The following TENM4 variants were observed in gnomAD, a reference collection of about 807,000 sequenced individuals.
TENM4 encodes the protein teneurin transmembrane protein 4.
Under a neutral mutation model 243.3 loss-of-function variants are expected in TENM4, and 82 were observed. The ratio of observed to expected loss-of-function variants is 0.34; its 90% CI spans 0.28 to 0.40. TENM4 has a LOEUF of 0.40. Ranked by LOEUF, TENM4 falls within the 10% of genes least tolerant of loss-of-function variation. The probability of loss-of-function intolerance (pLI) is 1.00; values close to 1 mark genes in which losing one functional copy is unlikely to be tolerated. For synonymous variants in TENM4, 1,412 were observed against 1,456.3 expected, an observed-to-expected ratio of 0.97 and a Z score of 0.69; for missense variants, 3,138 against 3,673.3, an observed-to-expected ratio of 0.85 and a Z score of 3.77.
At chr11:79,061,034 G>C (rs1014938511) in intron 6 of TENM4, among the ~76,000 whole-genome samples, 9 of 152,160 alleles carry the variant, frequency 5.9e-5, no homozygotes, top group African/African-American at 1.7e-4. Flanking sequence ...AGAAAAGGGA[G>C]AGACAGGGTA....
intron 15 of TENM4, among the ~76,000 whole-genome samples, chr11:78,800,560 T>C (rs1857260651): frequency 6.6e-6 from 1 of 152,168 alleles, no homozygotes; most frequent in Non-Finnish European, 1.5e-5. Context: ...GCTGGGATCT[T>C]CCTGGACAGA....
chr11:78,857,007 G>A (rs925243582), intron 10 of TENM4, among the ~76,000 whole-genome samples: 2 of 152,098 alleles, frequency 1.3e-5, no homozygotes. Context: ...CTCTCTGGGG[G>A]CACCACAAAT....
intron 1 of TENM4, among the ~76,000 whole-genome samples, chr11:79,347,725 T>C (rs893917019): frequency 6.6e-6 from 1 of 151,470 alleles, no homozygotes; most frequent in African/African-American, 2.4e-5. Flanking sequence ...TGGAGTAATG[T>C]AGTATAAATC....
At chr11:79,231,240 CAAAT>C (rs1247807696) in intron 2 of TENM4, among the ~76,000 whole-genome samples, 2 of 152,172 alleles carry the variant, frequency 1.3e-5, no homozygotes, top group Non-Finnish European at 2.9e-5. Flanking sequence ...AGGACCACAG[CAAAT>C]AAATTGCAAA....
At chr11:78,764,885 GA>G (rs1856510896) in intron 18 of TENM4, among the ~76,000 whole-genome samples, 2 of 151,986 alleles carry the variant, frequency 1.3e-5, no homozygotes, top group African/African-American at 4.8e-5. Context: ...CTGGAAGACA[GA>G]ATGCTTAAAC....
At chr11:79,181,763 C>T (rs1231873943) in intron 3 of TENM4, among the ~76,000 whole-genome samples, 3 of 150,652 alleles carry the variant, frequency 2.0e-5, no homozygotes, top group African/African-American at 7.3e-5. Flanking sequence ...TTGCAGGATA[C>T]AAAGTTAACA....
At chr11:78,924,938 G>A (rs1179543365) in intron 6 of TENM4, among the ~76,000 whole-genome samples, 1 of 152,110 alleles carries the variant, frequency 6.6e-6, no homozygotes, top group African/African-American at 2.4e-5. Flanking sequence ...CATAACATTG[G>A]GGCTTTCCTC....
intron 4 of TENM4, among the ~76,000 whole-genome samples, chr11:79,120,859 T>C (rs570967298): frequency 6.6e-6 from 1 of 152,324 alleles, no homozygotes; most frequent in Admixed American, 6.5e-5. Flanking sequence ...TGGGCATTAT[T>C]CTAACTGCTT....
chr11:78,656,888 A>G lies in TENM4; in HGVS notation c.*1170T>C. On this transcript the variant is annotated 3_prime_UTR_variant, in exon 34 of 34. Coordinates refer to ENST00000278550, the MANE Select transcript of TENM4 (RefSeq NM_001098816.3). ...GGGACTTTGGGAACTGGTTAGAAGGATGCTTAGCTTATGCCTTCCTCTCTT... is the reference window on the plus strand; with the variant it reads ...GGGACTTTGGGAACTGGTTAGAAGGGTGCTTAGCTTATGCCTTCCTCTCTT... The G allele has an allele frequency of 7.6e-6, 3 of 397,316 alleles. No individual in the cohort carries two copies. Among genetic ancestry groups the G allele is most frequent in the Non-Finnish European group, 8.9e-6 (2 of 225,798 alleles). The allele number at this position is 397,316 out of a possible 1,614,324, so 24.6% of individuals were successfully genotyped here.
intron 4 of TENM4, among the ~76,000 whole-genome samples, chr11:79,129,458 G>A (rs1861953254): frequency 6.6e-6 from 1 of 152,200 alleles, no homozygotes; most frequent in Non-Finnish European, 1.5e-5. Context: ...TTGCAGCTGG[G>A]AAGTGGGTAG....
In TENM4 at chr11:78,746,376, C is replaced by G. The variant is rs192093334; in HGVS notation, c.2757-7806G>C. Among the ~76,000 whole-genome samples the G allele has an allele frequency of 4.6e-3, 697 of 152,376 alleles. 8 individuals are homozygous for G. Among genetic ancestry groups the G allele is most frequent in the African/African-American group, 0.016 (665 of 41,594 alleles). ...CCCGCAGAGCCCAGAAACCACTGTT[C>G]TGTGGCCTCCTAGCTAAGCATGGCT... On this transcript the variant is annotated intron_variant, in intron 19 of 33. Transcript: ENST00000278550.
intron 6 of TENM4, among the ~76,000 whole-genome samples, chr11:79,029,349 T>G (rs1859166943): frequency 6.6e-6 from 1 of 152,186 alleles, no homozygotes. Context: ...GCTTTCAAAT[T>G]TGTTTTCTGG....
intron 30 of TENM4, among the ~76,000 whole-genome samples, chr11:78,673,249 C>T (rs1179467162): frequency 6.6e-6 from 1 of 152,120 alleles, no homozygotes; most frequent in Non-Finnish European, 1.5e-5. Flanking sequence ...GGGCCTGTTT[C>T]TGTATTTGGA....
intron 3 of TENM4, among the ~76,000 whole-genome samples, chr11:79,207,391 C>A (rs1184711478): frequency 1.3e-5 from 2 of 152,150 alleles, no homozygotes; most frequent in Non-Finnish European, 2.9e-5. Context: ...TCTTATTTGA[C>A]CCTAACAACA....
At chr11:79,376,399 G>A (rs1412495975) in intron 1 of TENM4, among the ~76,000 whole-genome samples, 1 of 152,184 alleles carries the variant, frequency 6.6e-6, no homozygotes, top group Admixed American at 6.5e-5. Context: ...ACATAGCTTT[G>A]CTAATGCTGC....
At chr11:78,793,788 G>A (rs1382704520) in intron 15 of TENM4, among the ~76,000 whole-genome samples, 2 of 152,214 alleles carry the variant, frequency 1.3e-5, no homozygotes, top group Non-Finnish European at 2.9e-5. Flanking sequence ...GAGACATTAA[G>A]TGCTCAAAGG....
intron 4 of TENM4, among the ~76,000 whole-genome samples, chr11:79,078,520 G>A (rs1758574198): frequency 6.6e-6 from 1 of 152,130 alleles, no homozygotes; most frequent in Non-Finnish European, 1.5e-5. Flanking sequence ...CAGAGAAGGA[G>A]GCACTCCTAT....
chr11:79,354,843 T>G (rs1184967528), intron 1 of TENM4, among the ~76,000 whole-genome samples: 2 of 152,206 alleles, frequency 1.3e-5, no homozygotes, highest in African/African-American at 4.8e-5. Context: ...AAAGTTTAAG[T>G]CTATCCTAAA....
At chr11:78,695,449 C>T (rs985816098) in intron 28 of TENM4, among the ~76,000 whole-genome samples, 7 of 152,122 alleles carry the variant, frequency 4.6e-5, no homozygotes, top group South Asian at 2.1e-4. Context: ...TTGCAACCTC[C>T]GCCTCCTGGA....
Sources: allele counts gnomAD v4.1 joint callset (sites outside exome capture counted in the v4.1 genomes callset), GRCh38; gene constraint gnomAD v4.1.1; transcripts MANE v1.5; gene names NCBI Gene and HGNC (gene_info 2026-07-23, HGNC 2026-07-21).